Variants in SERPINB9 observed in about 807,000 individuals in gnomAD.
The protein encoded by SERPINB9 is serpin family B member 9.
Under a neutral mutation model 27.2 loss-of-function variants are expected in SERPINB9, and 20 were observed. The ratio of observed to expected loss-of-function variants is 0.74; its 90% CI spans 0.52 to 1.07. SERPINB9 has a LOEUF of 1.07. SERPINB9 is among the 50% of genes least tolerant of loss of function. The probability of loss-of-function intolerance (pLI) is 0.00; values close to 1 mark genes in which losing one functional copy is unlikely to be tolerated. For synonymous variants in SERPINB9, 189 were observed against 180.0 expected (o/e 1.05, Z -0.40); for missense variants, 476 against 460.1 (o/e 1.03, Z -0.32).
intron 2 of SERPINB9, among the ~76,000 whole-genome samples, chr6:2,896,676 A>C (rs1179420274): frequency 6.6e-6 from 1 of 152,344 alleles, no homozygotes; most frequent in East Asian, 1.9e-4. Flanking sequence ...GAAAAGTCTC[A>C]ACATCCCAAT....
intron 4 of SERPINB9, among the ~76,000 whole-genome samples, chr6:2,893,858 G>C (rs998484884): frequency 6.6e-6 from 1 of 152,084 alleles, no homozygotes; most frequent in African/African-American, 2.4e-5. Flanking sequence ...TAGGCTGAAG[G>C]GGTGTTTGTC....
chr6:2,890,972 C>G lies in SERPINB9; in HGVS notation c.724-402G>C, dbSNP rs919316225. Among the ~76,000 whole-genome samples, 1 of 152,150 alleles carries G rather than the reference C, an allele frequency of 6.6e-6. No individual in the cohort carries two copies. The highest frequency in any genetic ancestry group is 2.4e-5 in the African/African-American group (1 of 41,434). On this transcript the variant is annotated intron_variant, in intron 6 of 6. Coordinates refer to ENST00000380698, the MANE Select transcript of SERPINB9 (RefSeq NM_004155.6). The surrounding 1 kb of genome is among the most constrained non-coding windows in gnomAD (Gnocchi z 6.2). ...GGGCTCTCAGTGTGAGCCACTCCAACAGGATTATCTGTCCCAGGTGAGATT... is the reference window on the plus strand; with the variant it reads ...GGGCTCTCAGTGTGAGCCACTCCAAGAGGATTATCTGTCCCAGGTGAGATT...
intron 1 of SERPINB9, 119 bp from the exon 2 acceptor site, chr6:2,900,740 T>C: frequency 1.1e-6 from 1 of 928,508 alleles, no homozygotes; most frequent in Non-Finnish European, 1.6e-6. Flanking sequence ...TTCGTAAGTA[T>C]TTTAAATTGG....
rs1224601254 is a variant in SERPINB9 at position 2,887,273 on chromosome 6, T to C, written c.*2890A>G. The C allele has an allele frequency of 6.7e-6, 1 of 149,008 alleles. No homozygotes were observed. The highest frequency in any genetic ancestry group is 2.4e-5 in the African/African-American group (1 of 41,142). 9.2% of individuals were successfully genotyped at this position (149,008 alleles called of 1,614,324 possible). ...CAAAGGGAAAATCTAGATTTGATTA[T>C]AGAGGAAAACAAAACACTGTTTATT... is the stretch of plus-strand genomic sequence containing the variant. On this transcript the variant is annotated 3_prime_UTR_variant, in exon 7 of 7. Coordinates refer to ENST00000380698, the MANE Select transcript of SERPINB9 (RefSeq NM_004155.6).
intron 3 of SERPINB9, 33 bp from the exon 4 acceptor site, chr6:2,895,541 T>C (rs776443487): frequency 1.4e-6 from 2 of 1,383,832 alleles, no homozygotes; most frequent in Admixed American, 1.8e-5. Flanking sequence ...TGAGGCTGCA[T>C]TGCTAAATAC....
chr6:2,900,883 T>TCACA (rs1043594260), intron 1 of SERPINB9, among the ~76,000 whole-genome samples: 1 of 26,528 alleles, frequency 3.8e-5, no homozygotes, highest in Non-Finnish European at 6.5e-5. Context: ...GAGCTCGCTC[T>TCACA]CTCACACACA....
rs918309175 is a variant in SERPINB9 at position 2,889,790 on chromosome 6, A to G, written c.*373T>C. On this transcript the variant is annotated 3_prime_UTR_variant, in exon 7 of 7. Transcript: ENST00000380698. ...CCAGGAAATCTATAAAATAGTAGCA[A>G]TATCTAGCACCATTTATTACCACTG... is the stretch of plus-strand genomic sequence containing the variant. 2 of 173,248 alleles carry G rather than the reference A, an allele frequency of 1.2e-5. No homozygotes were observed. The highest frequency in any genetic ancestry group is 6.1e-5 in the Admixed American group (1 of 16,522). The allele number at this position is 173,248 out of a possible 1,614,324, so 10.7% of individuals were successfully genotyped here. A position where few individuals can be genotyped will look rare whatever the true frequency, so the allele number is the denominator to read the frequency against.
Position 2,890,419 on chromosome 6 carries a change from G to A in SERPINB9, c.875C>T (p.Ala292Val). ...SVLRHLGIVD[A>V]FQQGKADLSA... ...CAAGTCAGCCTTGCCCTGTTGGAAG[G>A]CATCAACAATTCCCAAATGCCGAAG... The change falls in exon 7 of 7, where the codon GCC becomes GTC. Residue 292 changes from alanine to valine, a missense_variant. Coordinates refer to ENST00000380698, the MANE Select transcript of SERPINB9 (RefSeq NM_004155.6). The surrounding 1 kb of genome is among the most constrained non-coding windows in gnomAD (Gnocchi z 6.2). 3 of 1,614,158 alleles carry A rather than the reference G, an allele frequency of 1.9e-6. No individual in the cohort carries two copies. The highest frequency in any genetic ancestry group is 2.5e-6 in the Non-Finnish European group (3 of 1,180,020).
At chr6:2,895,009 G>A (rs1056544624) in intron 4 of SERPINB9, among the ~76,000 whole-genome samples, 4 of 152,014 alleles carry the variant, frequency 2.6e-5, no homozygotes, top group East Asian at 3.9e-4. Flanking sequence ...TGTCCACTTC[G>A]GCCTTCTAAA....
chr6:2,895,544 C>G, intron 3 of SERPINB9, 36 bp from the exon 4 acceptor site: 1 of 1,358,868 alleles, frequency 7.4e-7, no homozygotes, highest in Non-Finnish European at 1.0e-6. Context: ...GGCTGCATTG[C>G]TAAATACAAA....
Position 2,889,860 on chromosome 6 carries a change from G to A in SERPINB9, c.*303C>T, listed in dbSNP as rs951668250. On this transcript the variant is annotated 3_prime_UTR_variant, in exon 7 of 7. Transcript: ENST00000380698. ...GTATTCGCAGTGTCAGGAAAGCACAGGGTCGCCAGAGTGAATTGCATGTGG... is the reference window on the plus strand; with the variant it reads ...GTATTCGCAGTGTCAGGAAAGCACAAGGTCGCCAGAGTGAATTGCATGTGG... The A allele has an allele frequency of 4.3e-5, 13 of 303,794 alleles. No homozygotes were observed. The highest frequency in any genetic ancestry group is 7.9e-5 in the South Asian group (1 of 12,692). 18.8% of individuals were successfully genotyped at this position (303,794 alleles called of 1,614,324 possible).
At position 2,900,879 on chromosome 6, in the gene SERPINB9, G is replaced by GCTCTCT. The variant is rs149162495; in HGVS notation, c.-10-264_-10-259dup. ...CAGAACTGGCTCGCCTGCAGAGCTC[G>GCTCTCT]CTCTCTCACACACACACACACACAC... On this transcript the variant is annotated intron_variant, in intron 1 of 6. Coordinates refer to ENST00000380698, the MANE Select transcript of SERPINB9 (RefSeq NM_004155.6). 4.3e-5 allele frequency among the ~76,000 whole-genome samples: 6 copies of GCTCTCT among 140,174 alleles called. 1 individual carries two copies. Among genetic ancestry groups the GCTCTCT allele is most frequent in the African/African-American group, 1.1e-4 (4 of 37,864 alleles). 92.0% of individuals were successfully genotyped at this position (140,174 alleles called of 152,430 possible).
intron 2 of SERPINB9, among the ~76,000 whole-genome samples, chr6:2,900,186 A>G (rs1364835457): frequency 6.6e-6 from 1 of 152,178 alleles, no homozygotes; most frequent in African/African-American, 2.4e-5. Flanking sequence ...GCGCTAGGAC[A>G]AGACAGCTTG....
chr6:2,892,967 CTAAT>C (rs546446971), intron 5 of SERPINB9, among the ~76,000 whole-genome samples: 131 of 150,132 alleles, frequency 8.7e-4, no homozygotes, highest in African/African-American at 2.8e-3. Context: ...TTAAAAATAA[CTAAT>C]TAAAGACACA....
In SERPINB9 at chr6:2,891,970, G is replaced by T; in HGVS notation, c.586C>A (p.Gln196Lys). 6.2e-7 allele frequency: 1 copy of T among 1,613,572 alleles called. No individual in the cohort carries two copies. Residue 196 changes from glutamine (Q) to lysine (K), a missense_variant, in exon 6 of 7, where the codon CAG becomes AAG. Gln to Lys is a moderately conservative substitution (Grantham distance 53). Transcript: ENST00000380698. This position sits in a 1 kb window ranked among gnomAD's most constrained non-coding sequence, Gnocchi z 4.0. Reference sequence around the variant, plus strand: ...AACGTGGCCTCCTGATACATCATCTGCACTGGCCTTTGCTCCTCCTGGGGG... The same window carrying T: ...AACGTGGCCTCCTGATACATCATCTTCACTGGCCTTTGCTCCTCCTGGGGG... The part of the protein sequence containing the change: ...KINQEEQRPV[Q>K]MMYQEATFKL...
At position 2,890,686 on chromosome 6, in the gene SERPINB9, T is replaced by C; in HGVS notation, c.724-116A>G. On this transcript the variant is annotated intron_variant, in intron 6 of 6. Transcript: ENST00000380698. The surrounding 1 kb of genome is among the most constrained non-coding windows in gnomAD (Gnocchi z 6.2). ...GTAGGTGTTGTTTGTTCACATAGGATCAGTGGCCCCTTCATCTGCCAGAAG... is the reference window on the plus strand; with the variant it reads ...GTAGGTGTTGTTTGTTCACATAGGACCAGTGGCCCCTTCATCTGCCAGAAG... 1 of 972,040 alleles carries C rather than the reference T, an allele frequency of 1.0e-6. No individual in the cohort carries two copies. The highest frequency in any genetic ancestry group is 1.6e-5 in the South Asian group (1 of 60,810). 60.2% of individuals were successfully genotyped at this position (972,040 alleles called of 1,614,324 possible). A position where few individuals can be genotyped will look rare whatever the true frequency, so the allele number is the denominator to read the frequency against.
chr6:2,892,918 ATAAT>A (rs983191187), intron 5 of SERPINB9, among the ~76,000 whole-genome samples: 17 of 151,992 alleles, frequency 1.1e-4, no homozygotes, highest in African/African-American at 7.2e-5. Flanking sequence ...TGAATTAATG[ATAAT>A]TAGTTAACAA....
chr6:2,890,468 C>G lies in SERPINB9; in HGVS notation c.826G>C (p.Glu276Gln). The change falls in exon 7 of 7, where the codon GAG (glutamate) becomes CAG (glutamine). Residue 276 changes from glutamate (E) to glutamine (Q), a missense_variant. By Grantham distance (29) the Glu-to-Gln change is conservative. Transcript: ENST00000380698. This position sits in a 1 kb window ranked among gnomAD's most constrained non-coding sequence, Gnocchi z 6.2. ...EVLLPKFKLQ[E>Q]DYDMESVLRH... ...AGCACAGATTCCATGTCATAATCCT[C>G]TTGTAGTTTAAATTTTGGAAGGAGA... is the stretch of plus-strand genomic sequence containing the variant. 1.9e-6 allele frequency: 3 copies of G among 1,614,154 alleles called. No homozygotes were observed. The highest frequency in any genetic ancestry group is 1.7e-6 in the Non-Finnish European group (2 of 1,180,024).
Position 2,900,461 on chromosome 6 carries a change from C to T in SERPINB9, c.151G>A (p.Ala51Thr), listed in dbSNP as rs139240428. 1.2e-4 allele frequency: 201 copies of T among 1,613,978 alleles called. No homozygotes were observed. The African/African-American group carries it at 1.6e-3, about 13-fold the overall frequency. ...MVLLGAKGNT[A>T]TQMAQALSLN... The stretch of plus-strand genomic sequence containing the variant: ...AAGCTTACCTGGGCCATCTGGGTTG[C>T]GGTGTTTCCCTTTGCCCCTAGGAGA... Residue 51 changes from alanine to threonine, a missense_variant, in exon 2 of 7, where the codon GCA becomes ACA. By Grantham distance (58) the Ala-to-Thr change is moderately conservative. Coordinates refer to ENST00000380698, the MANE Select transcript of SERPINB9 (RefSeq NM_004155.6).
Sources: allele counts gnomAD v4.1 joint callset (sites outside exome capture counted in the v4.1 genomes callset), GRCh38; gene constraint gnomAD v4.1.1; non-coding constraint Gnocchi (gnomAD v3.1); transcripts MANE v1.5; gene names NCBI Gene and HGNC (gene_info 2026-07-23, HGNC 2026-07-21).